C4orf33: variants seen among roughly 807,000 people sequenced by gnomAD.
C4orf33 encodes the protein UPF0462 protein C4orf33.
C4orf33 carries 20 observed loss-of-function variants against 24.3 expected under a neutral mutation model. The observed-to-expected ratio is 0.82, with a 90% CI of 0.58 to 1.19. The LOEUF (loss-of-function observed/expected upper bound fraction) is 1.19. Ranked by LOEUF, C4orf33 falls within the 50% of genes most tolerant of loss-of-function variation. C4orf33 has a pLI of 0.00. For missense variants in C4orf33, 207 were observed against 225.9 expected, an observed-to-expected ratio of 0.92 and a Z score of 0.54; for synonymous variants, 67 against 76.4, an observed-to-expected ratio of 0.88 and a Z score of 0.64.
At chr4:129,097,548 A>T (rs144026933) in intron 1 of C4orf33, among the ~76,000 whole-genome samples, 151 of 152,312 alleles carry the variant, frequency 9.9e-4, no homozygotes, top group African/African-American at 3.6e-3. Context: ...GTTTCATTGT[A>T]TGGTATAGCA....
chr4:129,109,694 A>T, intron 5 of C4orf33, 22 bp downstream of exon 5: 2 of 1,597,178 alleles, frequency 1.3e-6, no homozygotes, highest in Non-Finnish European at 1.7e-6. Context: ...ATAAATGAAG[A>T]TATGTTCCAA....
intron 1 of C4orf33, among the ~76,000 whole-genome samples, chr4:129,098,734 T>C (rs13136220): frequency 0.17 from 25,702 of 152,206 alleles, 2,271 homozygotes; most frequent in South Asian, 0.21. Context: ...TACAATTCCC[T>C]GGTTATATGC....
At position 129,116,626 on chromosome 4, in the gene C4orf33, G is replaced by T. The variant is rs867467053; in HGVS notation, c.*4835G>T. 1 of 152,094 alleles carries T rather than the reference G, an allele frequency of 6.6e-6. No individual in the cohort carries two copies. The highest frequency in any genetic ancestry group is 1.5e-5 in the Non-Finnish European group (1 of 68,016). The allele number at this position is 152,094 out of a possible 1,614,324, so 9.4% of individuals were successfully genotyped here. A position where few individuals can be genotyped will look rare whatever the true frequency, so the allele number is the denominator to read the frequency against. On this transcript the variant is annotated 3_prime_UTR_variant, in exon 6 of 6. Transcript: ENST00000425929. ...GAGCATTCAGAGAAATAAAAATTATGCTAAAAACAAACGTATGTTTTTGAA... is the reference window on the plus strand; with the variant it reads ...GAGCATTCAGAGAAATAAAAATTATTCTAAAAACAAACGTATGTTTTTGAA...
intron 5 of C4orf33, among the ~76,000 whole-genome samples, chr4:129,110,599 G>A (rs1753668613): frequency 6.6e-6 from 1 of 152,152 alleles, no homozygotes; most frequent in African/African-American, 2.4e-5. Context: ...ACATCCTAGT[G>A]AGCATTGCAC....
At chr4:129,103,327 A>G (rs1753420366) in intron 2 of C4orf33, among the ~76,000 whole-genome samples, 1 of 152,076 alleles carries the variant, frequency 6.6e-6, no homozygotes, top group South Asian at 2.1e-4. Context: ...CCACAAATCC[A>G]GATTTTTTTA....
intron 3 of C4orf33, among the ~76,000 whole-genome samples, chr4:129,108,893 T>C (rs1474713196): frequency 6.6e-6 from 1 of 151,952 alleles, no homozygotes; most frequent in African/African-American, 2.4e-5. Flanking sequence ...TAATATTGCA[T>C]CTTTTTTTTT....
chr4:129,096,632 G>C (rs1753215280), intron 1 of C4orf33, among the ~76,000 whole-genome samples: 1 of 151,958 alleles, frequency 6.6e-6, no homozygotes. Context: ...GGTCTTTCCA[G>C]GTAAAGATAA....
At chr4:129,111,239 A>G (rs867348842) in intron 5 of C4orf33, among the ~76,000 whole-genome samples, 30 of 152,344 alleles carry the variant, frequency 2.0e-4, no homozygotes, top group African/African-American at 6.3e-4. Context: ...ATACTCTTTT[A>G]CATTAACCTC....
intron 1 of C4orf33, 91 bp downstream of exon 1, chr4:129,096,300 A>G (rs1367536524): frequency 6.6e-6 from 1 of 152,156 alleles, no homozygotes; most frequent in African/African-American, 2.4e-5. Context: ...GAAAATACTG[A>G]AAAGTATTTT....
intron 3 of C4orf33, among the ~76,000 whole-genome samples, chr4:129,107,035 T>A (rs1753541568): frequency 6.6e-6 from 1 of 152,026 alleles, no homozygotes; most frequent in Non-Finnish European, 1.5e-5. Flanking sequence ...ATGGGTATAA[T>A]TAATTGAGCT....
upstream of C4orf33, among the ~76,000 whole-genome samples, chr4:129,095,385 G>A (rs895102219): frequency 1.3e-5 from 2 of 152,040 alleles, no homozygotes; most frequent in Non-Finnish European, 2.9e-5. Flanking sequence ...ATAATACCTG[G>A]AACACAGAGT....
rs1023583524 is a variant in C4orf33 at position 129,116,462 on chromosome 4, G to A, written c.*4671G>A. Reference sequence around the variant, plus strand: ...TGGCAGCCTATCACCTGTAATTTCCGTTAAACAGCATTTCTGACTCAATAG... The same window carrying A: ...TGGCAGCCTATCACCTGTAATTTCCATTAAACAGCATTTCTGACTCAATAG... On this transcript the variant is annotated 3_prime_UTR_variant, in exon 6 of 6. Coordinates refer to ENST00000425929, the MANE Select transcript of C4orf33 (RefSeq NM_001099783.2). 1.4e-4 allele frequency: 21 copies of A among 152,160 alleles called. No homozygotes were observed. The highest frequency in any genetic ancestry group is 1.0e-3 in the South Asian group (5 of 4,818). The allele number at this position is 152,160 out of a possible 1,614,324, so 9.4% of individuals were successfully genotyped here. A position where few individuals can be genotyped will look rare whatever the true frequency, so the allele number is the denominator to read the frequency against.
At chr4:129,094,754 T>TTA (rs912664682), upstream of C4orf33, among the ~76,000 whole-genome samples, 3 of 152,270 alleles carry the variant, frequency 2.0e-5, no homozygotes, top group Non-Finnish European at 2.9e-5. Flanking sequence ...GCTATAACGT[T>TTA]TACACAAAAA....
chr4:129,111,625 A>T, intron 5 of C4orf33, 61 bp from the exon 6 acceptor site: 3 of 963,802 alleles, frequency 3.1e-6, no homozygotes, highest in Non-Finnish European at 5.0e-6. Context: ...GCCCTTCAGG[A>T]CAACTATTTC....
At chr4:129,102,975 A>G (rs1472802695) in intron 2 of C4orf33, 184 bp downstream of exon 2, 2 of 465,954 alleles carry the variant, frequency 4.3e-6, no homozygotes, top group Non-Finnish European at 7.4e-6. Flanking sequence ...GACTTTAACT[A>G]TATAACAAAA....
At chr4:129,105,153 A>C (rs1312599703) in intron 2 of C4orf33, among the ~76,000 whole-genome samples, 1 of 152,164 alleles carries the variant, frequency 6.6e-6, no homozygotes, top group East Asian at 1.9e-4. Flanking sequence ...CTGGGTCTTC[A>C]GTCAACTGGC....
chr4:129,104,046 C>A (rs1376361251), intron 2 of C4orf33, among the ~76,000 whole-genome samples: 1 of 152,168 alleles, frequency 6.6e-6, no homozygotes, highest in East Asian at 1.9e-4. Flanking sequence ...TCAACAAATT[C>A]TAATCTCAAC....
In C4orf33 at chr4:129,096,188, A is replaced by G. The variant is rs534945125; in HGVS notation, c.-31A>G. 6.6e-6 allele frequency: 1 copy of G among 152,224 alleles called. No homozygotes were observed. Among genetic ancestry groups the G allele is most frequent in the Admixed American group, 6.5e-5 (1 of 15,286 alleles). The allele number at this position is 152,224 out of a possible 1,614,324, so 9.4% of individuals were successfully genotyped here. On this transcript the variant is annotated 5_prime_UTR_variant, in exon 1 of 6. Coordinates refer to ENST00000425929, the MANE Select transcript of C4orf33 (RefSeq NM_001099783.2). ...TGACCTCGGCTGAAAAGAAGAAGCC[A>G]GTGTTTGAGAAAAGCTTCGTGGTCT...
At chr4:129,111,431 T>G (rs1391095046) in intron 5 of C4orf33, among the ~76,000 whole-genome samples, 2 of 152,250 alleles carry the variant, frequency 1.3e-5, no homozygotes, top group Non-Finnish European at 2.9e-5. Flanking sequence ...GAGAACTGAT[T>G]TCTCCCTTCA....
Sources: gnomAD v4.1 joint callset for allele counts (sites outside exome capture counted in the v4.1 genomes callset) on GRCh38, gnomAD v4.1.1 for gene constraint, MANE v1.5 for transcripts, NCBI Gene and HGNC (gene_info 2026-07-23, HGNC 2026-07-21) for gene names.